DPP10: variants seen among roughly 807,000 people sequenced by gnomAD.
DPP10 encodes inactive dipeptidyl peptidase 10.
A neutral mutation model predicts 120.9 loss-of-function variants in DPP10; 33 were observed. The ratio of observed to expected loss-of-function variants is 0.27; its 90% confidence interval spans 0.21 to 0.37. The LOEUF (loss-of-function observed/expected upper bound fraction) is 0.37. DPP10 is among the 10% of genes least tolerant of loss of function. The pLI is 1.00. For missense variants in DPP10, 816 were observed against 942.8 expected (o/e 0.87, Z 1.76); for synonymous variants, 337 against 326.1 (o/e 1.03, Z -0.36).
intron 1 of DPP10, among the ~76,000 whole-genome samples, chr2:114,515,841 G>T (rs530684962): frequency 1.3e-5 from 2 of 151,012 alleles, no homozygotes; most frequent in South Asian, 2.1e-4. Context: ...CTACTCCCTG[G>T]GTCAGTCCCC....
At chr2:115,633,755 G>C (rs1558955867) in intron 5 of DPP10, among the ~76,000 whole-genome samples, 1 of 152,034 alleles carries the variant, frequency 6.6e-6, no homozygotes, top group Admixed American at 6.6e-5. Flanking sequence ...TGATGATTAT[G>C]TGTCTTGGGG....
intron 1 of DPP10, among the ~76,000 whole-genome samples, chr2:114,594,518 T>C (rs1426219416): frequency 6.8e-6 from 1 of 147,756 alleles, no homozygotes; most frequent in Non-Finnish European, 1.5e-5. Context: ...TACACACACA[T>C]ATATGTGTAA....
chr2:115,052,583 A>C (rs1705582492), intron 1 of DPP10, among the ~76,000 whole-genome samples: 1 of 152,222 alleles, frequency 6.6e-6, no homozygotes, highest in Non-Finnish European at 1.5e-5. Flanking sequence ...GATGCTCAGC[A>C]TCATTAGTCA....
intron 1 of DPP10, among the ~76,000 whole-genome samples, chr2:114,907,391 G>C (rs1010220063): frequency 6.6e-6 from 1 of 151,740 alleles, no homozygotes; most frequent in Non-Finnish European, 1.5e-5. Context: ...GAAAAATAAC[G>C]CTATTTAGTT....
chr2:115,482,668 T>C (rs1348642145), intron 3 of DPP10, among the ~76,000 whole-genome samples: 1 of 152,084 alleles, frequency 6.6e-6, no homozygotes, highest in East Asian at 1.9e-4. Context: ...GTTACATTCA[T>C]ATTTTTAAGG....
chr2:115,685,778 G>A (rs773237590), intron 5 of DPP10, among the ~76,000 whole-genome samples: 1 of 152,134 alleles, frequency 6.6e-6, no homozygotes, highest in Admixed American at 6.6e-5. Flanking sequence ...TACAGAGCAT[G>A]AATGCCAGAA....
intron 1 of DPP10, among the ~76,000 whole-genome samples, chr2:115,245,363 A>G (rs2058486554): frequency 6.6e-6 from 1 of 151,972 alleles, no homozygotes; most frequent in South Asian, 2.1e-4. Flanking sequence ...ATGGCCAACA[A>G]ACATATGAAA....
At chr2:114,964,396 G>C (rs1337557178) in intron 1 of DPP10, among the ~76,000 whole-genome samples, 1 of 152,130 alleles carries the variant, frequency 6.6e-6, no homozygotes, top group East Asian at 1.9e-4. Context: ...TGCTGCAGTA[G>C]ATGGGACTAG....
At position 114,958,006 on chromosome 2, in the gene DPP10, G is replaced by A. The variant is rs146921912; in HGVS notation, c.61-351233G>A. Among the ~76,000 whole-genome samples, 33 of 152,246 alleles carry A rather than the reference G, an allele frequency of 2.2e-4. No individual in the cohort carries two copies. The East Asian group carries it at 3.9e-3, about 18-fold the overall frequency. On this transcript the variant is annotated intron_variant, in intron 1 of 25. Transcript: ENST00000410059. ...GTATGTTAAAAGAAAAACTTCAGCC[G>A]AATTAAATTTAATGGGGTTTAATTG...
At chr2:115,377,424 T>A (rs1236831341) in intron 3 of DPP10, among the ~76,000 whole-genome samples, 1 of 152,216 alleles carries the variant, frequency 6.6e-6, no homozygotes, top group Non-Finnish European at 1.5e-5. Context: ...GTAAATTTGT[T>A]TAAGTTCATT....
chr2:114,832,676 T>A (rs1358893189), intron 1 of DPP10, among the ~76,000 whole-genome samples: 2 of 152,232 alleles, frequency 1.3e-5, no homozygotes, highest in East Asian at 3.8e-4. Flanking sequence ...TTATTTTTCC[T>A]ATTTACAGAG....
At chr2:115,079,195 G>T (rs34160446) in intron 1 of DPP10, among the ~76,000 whole-genome samples, 1 of 151,814 alleles carries the variant, frequency 6.6e-6, no homozygotes, top group South Asian at 2.1e-4. Context: ...CCTGGCTAAC[G>T]CGGTGAAACC....
intron 4 of DPP10, among the ~76,000 whole-genome samples, chr2:115,511,239 T>G (rs2077207456): frequency 6.6e-6 from 1 of 152,278 alleles, no homozygotes; most frequent in Non-Finnish European, 1.5e-5. Flanking sequence ...ACAGGAAGTT[T>G]TAAATTTATT....
chr2:114,894,277 A>G lies in DPP10; in HGVS notation c.61-414962A>G, dbSNP rs551741689. 2.6e-5 allele frequency among the ~76,000 whole-genome samples: 4 copies of G among 152,336 alleles called. No homozygotes were observed. The South Asian group carries it at 8.3e-4, about 32-fold the overall frequency. On this transcript the variant is annotated intron_variant, in intron 1 of 25. Transcript: ENST00000410059. ...TCCAATTTATGCCTGTCAGACTACA[A>G]GGTGCATTCGTAACTCTGGTAACAA...
chr2:115,612,805 T>G (rs1027937011), intron 5 of DPP10, among the ~76,000 whole-genome samples: 2 of 152,030 alleles, frequency 1.3e-5, no homozygotes, highest in South Asian at 2.1e-4. Context: ...AATTATGAAA[T>G]AGAGAGAGTG....
intron 2 of DPP10, among the ~76,000 whole-genome samples, chr2:115,327,965 A>G (rs773382073): frequency 6.6e-6 from 1 of 152,046 alleles, no homozygotes; most frequent in Admixed American, 6.6e-5. Context: ...ATTTCAACCC[A>G]TTGACAAGGA....
At chr2:114,957,297 A>G (rs1293911259) in intron 1 of DPP10, among the ~76,000 whole-genome samples, 3 of 152,000 alleles carry the variant, frequency 2.0e-5, no homozygotes, top group Admixed American at 2.0e-4. Flanking sequence ...AAGAGAAGAC[A>G]TATATATTTT....
At chr2:115,364,492 C>A (rs1033211927) in intron 3 of DPP10, among the ~76,000 whole-genome samples, 1 of 151,958 alleles carries the variant, frequency 6.6e-6, no homozygotes, top group African/African-American at 2.4e-5. Context: ...TATCCCCAAA[C>A]CATGTCTTTT....
At chr2:115,655,049 A>G (rs1011290205) in intron 5 of DPP10, among the ~76,000 whole-genome samples, 4 of 151,752 alleles carry the variant, frequency 2.6e-5, no homozygotes, top group African/African-American at 9.6e-5. Context: ...CTAAGTGTAT[A>G]CTTGGAAAAA....
Sources: gnomAD v4.1 joint callset for allele counts (sites outside exome capture counted in the v4.1 genomes callset) on GRCh38, gnomAD v4.1.1 for gene constraint, MANE v1.5 for transcripts, NCBI Gene and HGNC (gene_info 2026-07-23, HGNC 2026-07-21) for gene names.